Variants in NRK observed in about 807,000 individuals in gnomAD.
The protein encoded by NRK is Nik related kinase.
Under a neutral mutation model 125.2 loss-of-function variants are expected in NRK, and 67 were observed. That is an observed-to-expected ratio of 0.54 (90% CI 0.44 to 0.66). The LOEUF is 0.66. Ranked by LOEUF, NRK falls within the 30% of genes least tolerant of loss-of-function variation. The pLI is 0.00. For synonymous variants in NRK, 458 were observed against 429.0 expected (o/e 1.07, Z -0.84); for missense variants, 1,224 against 1,192.9 (o/e 1.03, Z -0.38).
At chrX:105,858,679 G>C (rs976420902) in intron 2 of NRK, among the ~76,000 whole-genome samples, 2 of 110,776 alleles carry the variant, frequency 1.8e-5, no homozygotes, top group African/African-American at 6.6e-5. Flanking sequence ...CTGGTGAGGT[G>C]GCCTGATTTG....
intron 16 of NRK, 75 bp downstream of exon 16, chrX:105,917,747 A>G (rs992142446): frequency 1.4e-5 from 7 of 514,549 alleles, no homozygotes; most frequent in Non-Finnish European, 2.1e-5. Flanking sequence ...AGAAGTCAAG[A>G]AAGAAGAATT....
At chrX:105,947,089 T>C (rs949003864) in intron 26 of NRK, among the ~76,000 whole-genome samples, 4 of 111,779 alleles carry the variant, frequency 3.6e-5, no homozygotes, top group African/African-American at 1.3e-4. Context: ...TGGTTAATTA[T>C]AGTTAGAATT....
intron 4 of NRK, among the ~76,000 whole-genome samples, chrX:105,887,735 T>C (rs1353168201): frequency 8.9e-6 from 1 of 112,047 alleles, no homozygotes; most frequent in Non-Finnish European, 1.9e-5. Context: ...ATATAAAATG[T>C]CCAGAACTGA....
chrX:105,892,814 G>A (rs1043940363), intron 5 of NRK, among the ~76,000 whole-genome samples: 2 of 111,666 alleles, frequency 1.8e-5, no homozygotes, highest in Non-Finnish European at 3.8e-5. Context: ...TAGGGGAGTA[G>A]TTTTCTGAAA....
At chrX:105,934,702 G>A (rs1424330011) in intron 20 of NRK, among the ~76,000 whole-genome samples, 4 of 112,157 alleles carry the variant, frequency 3.6e-5, no homozygotes, top group Non-Finnish European at 7.5e-5. Flanking sequence ...AAATATATTC[G>A]TGTTCAACAA....
intron 9 of NRK, among the ~76,000 whole-genome samples, chrX:105,901,604 C>T (rs758904154): frequency 1.8e-5 from 2 of 110,956 alleles, no homozygotes; most frequent in South Asian, 7.7e-4. Context: ...CATTTTGTTT[C>T]AAGGCCAATG....
chrX:105,933,001 A>G (rs1754478710), intron 19 of NRK, among the ~76,000 whole-genome samples: 1 of 111,226 alleles, frequency 9.0e-6, no homozygotes, highest in Non-Finnish European at 1.9e-5. Context: ...TTGTCTACCA[A>G]CTCACCCAAC....
At chrX:105,885,066 C>G (rs1443675646) in intron 4 of NRK, among the ~76,000 whole-genome samples, 1 of 112,318 alleles carries the variant, frequency 8.9e-6, no homozygotes, top group East Asian at 2.8e-4. Flanking sequence ...GCTGGAATTA[C>G]AGGTGTGAGC....
At chrX:105,837,011 T>C (rs956814453) in intron 2 of NRK, among the ~76,000 whole-genome samples, 1 of 112,177 alleles carries the variant, frequency 8.9e-6, no homozygotes, top group Non-Finnish European at 1.9e-5. Flanking sequence ...GTAAATTACT[T>C]TTTAACCAGC....
At chrX:105,828,459 A>G (rs1027730830) in intron 1 of NRK, among the ~76,000 whole-genome samples, 1 of 111,713 alleles carries the variant, frequency 9.0e-6, no homozygotes, top group African/African-American at 3.3e-5. Context: ...AGGACTAGAG[A>G]AAGGAATAAA....
At chrX:105,920,924 G>C (rs1462265253) in intron 16 of NRK, among the ~76,000 whole-genome samples, 2 of 95,093 alleles carry the variant, frequency 2.1e-5, no homozygotes, top group Admixed American at 1.2e-4. Flanking sequence ...TCAGTGTGGC[G>C]ATTCCTCAGG....
intron 4 of NRK, among the ~76,000 whole-genome samples, chrX:105,884,640 G>A (rs2039920163): frequency 8.9e-6 from 1 of 112,085 alleles, no homozygotes; most frequent in Non-Finnish European, 1.9e-5. Flanking sequence ...AGTCAGGATA[G>A]TTTGAGGAAA....
At chrX:105,850,122 G>A (rs950870606) in intron 2 of NRK, among the ~76,000 whole-genome samples, 1 of 112,441 alleles carries the variant, frequency 8.9e-6, no homozygotes, top group Non-Finnish European at 1.9e-5. Context: ...AAATCTAGGC[G>A]GAGGTTCCCA....
intron 4 of NRK, among the ~76,000 whole-genome samples, chrX:105,884,176 A>G (rs929433137): frequency 1.8e-5 from 2 of 111,837 alleles, no homozygotes; most frequent in African/African-American, 6.5e-5. Flanking sequence ...GAGATTTTCA[A>G]CTGCACATAT....
At position 105,905,447 on chromosome X, in the gene NRK, G is replaced by A. The variant is rs899146840; in HGVS notation, c.845+104G>A. 3 of 589,711 alleles carry A rather than the reference G, an allele frequency of 5.1e-6. No individual in the cohort carries two copies. In the Admixed American group the frequency reaches 8.2e-5, roughly 16 times the overall value. 48.6% of individuals were successfully genotyped at this position (589,711 alleles called of 1,213,427 possible). A position where few individuals can be genotyped will look rare whatever the true frequency, so the allele number is the denominator to read the frequency against. ...TCAGTCCTGCTGCACCATCCTGGTTGGACAATATTTCCTAAAGTCTAATAT... is the reference window on the plus strand; with the variant it reads ...TCAGTCCTGCTGCACCATCCTGGTTAGACAATATTTCCTAAAGTCTAATAT... On this transcript the variant is annotated intron_variant, in intron 10 of 28. Coordinates refer to ENST00000243300, the MANE Select transcript of NRK (RefSeq NM_198465.4).
chrX:105,849,255 A>G (rs2039439658), intron 2 of NRK, among the ~76,000 whole-genome samples: 1 of 111,829 alleles, frequency 8.9e-6, no homozygotes, highest in Non-Finnish European at 1.9e-5. Flanking sequence ...AGCTCTCATG[A>G]GACTTATTCA....
intron 1 of NRK, among the ~76,000 whole-genome samples, chrX:105,829,046 A>G (rs1251083719): frequency 8.9e-6 from 1 of 112,036 alleles, no homozygotes; most frequent in Non-Finnish European, 1.9e-5. Flanking sequence ...CTGATAGACT[A>G]TGATTTTTAT....
intron 2 of NRK, among the ~76,000 whole-genome samples, chrX:105,876,991 TATGAAA>T (rs1387754951): frequency 5.4e-5 from 6 of 111,143 alleles, no homozygotes; most frequent in Non-Finnish European, 1.1e-4. Flanking sequence ...GTGAATAGAG[TATGAAA>T]GGGAAAAATA....
chrX:105,952,448 G>A (rs900895943), intron 27 of NRK, among the ~76,000 whole-genome samples: 2 of 111,975 alleles, frequency 1.8e-5, no homozygotes, highest in African/African-American at 6.5e-5. Context: ...AGTCAAAAAA[G>A]TTAAAATCTT....
Sources: gnomAD v4.1 joint callset for allele counts (sites outside exome capture counted in the v4.1 genomes callset) on GRCh38, gnomAD v4.1.1 for gene constraint, MANE v1.5 for transcripts, NCBI Gene and HGNC (gene_info 2026-07-23, HGNC 2026-07-21) for gene names.